Variants in HOMER1 observed in about 807,000 individuals in gnomAD.
HOMER1 encodes the protein homer protein homolog 1.
In HOMER1, 3 loss-of-function variants were observed where a neutral mutation model predicts 48.9. The ratio of observed to expected loss-of-function variants is 0.06; its 90% CI spans 0.03 to 0.16. The LOEUF (loss-of-function observed/expected upper bound fraction) is 0.16, where lower values mean the gene tolerates loss of function less well. Among genes scored for constraint, HOMER1 ranks in the 10% least tolerant of loss-of-function variants. HOMER1 has a pLI of 1.00. For missense variants in HOMER1, 247 were observed against 411.4 expected, an observed-to-expected ratio of 0.60 and a Z score of 3.46; for synonymous variants, 134 against 146.4, an observed-to-expected ratio of 0.92 and a Z score of 0.61.
chr5:79,432,191 A>C (rs1750444460), intron 5 of HOMER1, among the ~76,000 whole-genome samples: 1 of 152,324 alleles, frequency 6.6e-6, no homozygotes, highest in East Asian at 1.9e-4. Flanking sequence ...CAAAGGAAAA[A>C]AACATTCTTC....
rs1234652087 is a variant in HOMER1 at position 79,434,799 on chromosome 5, C to T, written c.527+4211G>A. On this transcript the variant is annotated intron_variant, in intron 5 of 8. Transcript: ENST00000334082. ...ACTAAGGAGTATTGAGCAGCTCATACATTTAAAATTTAGTTCAGCTGTATA... is the reference window on the plus strand; with the variant it reads ...ACTAAGGAGTATTGAGCAGCTCATATATTTAAAATTTAGTTCAGCTGTATA... 2.0e-5 allele frequency among the ~76,000 whole-genome samples: 3 copies of T among 152,048 alleles called. No individual in the cohort carries two copies. The East Asian group carries it at 5.8e-4, about 29-fold the overall frequency.
chr5:79,445,915 A>AAAAT (rs1465429681), intron 4 of HOMER1, among the ~76,000 whole-genome samples: 4 of 152,250 alleles, frequency 2.6e-5, no homozygotes, highest in African/African-American at 4.8e-5. Context: ...CTCTAGCTCA[A>AAAAT]AAATAAATAA....
At chr5:79,480,099 A>C (rs1751905491) in intron 1 of HOMER1, among the ~76,000 whole-genome samples, 1 of 152,186 alleles carries the variant, frequency 6.6e-6, no homozygotes, top group Non-Finnish European at 1.5e-5. Context: ...TGTCATTTAG[A>C]AATAACACTG....
chr5:79,469,209 T>C (rs142060633), intron 1 of HOMER1, among the ~76,000 whole-genome samples: 7 of 152,272 alleles, frequency 4.6e-5, no homozygotes, highest in Non-Finnish European at 7.4e-5. Context: ...AGTAAATGCA[T>C]GTTAGTCAAA....
chr5:79,378,969 T>C (rs116350044), intron 8 of HOMER1, among the ~76,000 whole-genome samples: 121 of 148,632 alleles, frequency 8.1e-4, no homozygotes, highest in African/African-American at 2.9e-3. Flanking sequence ...AGTCTATTTT[T>C]AGGCAAAGAG....
At chr5:79,499,144 T>C (rs1239614823) in intron 1 of HOMER1, among the ~76,000 whole-genome samples, 9 of 152,164 alleles carry the variant, frequency 5.9e-5, no homozygotes, top group Admixed American at 5.9e-4. Context: ...AAGTCTCCAC[T>C]TTTAAGCTCC....
In HOMER1 at chr5:79,484,084, G is replaced by A. The variant is rs527894193; in HGVS notation, c.6-27066C>T. ...AAAAAAGTGGGGTTTATAACATTAG[G>A]ATTAAATATATAACAATAACAAAGG... is the stretch of plus-strand genomic sequence containing the variant. On this transcript the variant is annotated intron_variant, in intron 1 of 8. Coordinates refer to ENST00000334082, the MANE Select transcript of HOMER1 (RefSeq NM_004272.5). Among the ~76,000 whole-genome samples the A allele has an allele frequency of 7.3e-5, 11 of 150,324 alleles. No individual in the cohort carries two copies. In the South Asian group the frequency reaches 1.5e-3, roughly 20 times the overall value.
chr5:79,404,004 G>T (rs2112223564), intron 5 of HOMER1, among the ~76,000 whole-genome samples: 1 of 152,118 alleles, frequency 6.6e-6, no homozygotes, highest in Non-Finnish European at 1.5e-5. Flanking sequence ...CATGTCTTCT[G>T]AAAAAAGCAT....
chr5:79,452,393 C>T (rs545410617), intron 2 of HOMER1, among the ~76,000 whole-genome samples: 1 of 152,086 alleles, frequency 6.6e-6, no homozygotes, highest in African/African-American at 2.4e-5. Flanking sequence ...TCTGCTAATA[C>T]CATAAAAGTG....
At chr5:79,394,296 G>A (rs1749323742) in intron 8 of HOMER1, among the ~76,000 whole-genome samples, 1 of 152,168 alleles carries the variant, frequency 6.6e-6, no homozygotes, top group African/African-American at 2.4e-5. Flanking sequence ...TATGAATGGA[G>A]TTCAAGGGTG....
intron 5 of HOMER1, among the ~76,000 whole-genome samples, chr5:79,432,396 G>T (rs755509392): frequency 6.6e-6 from 1 of 152,170 alleles, no homozygotes; most frequent in Non-Finnish European, 1.5e-5. Context: ...TAGTCTTCTT[G>T]AAAAGAGAAA....
At chr5:79,478,723 G>A (rs915241340) in intron 1 of HOMER1, among the ~76,000 whole-genome samples, 3 of 152,176 alleles carry the variant, frequency 2.0e-5, no homozygotes, top group Non-Finnish European at 2.9e-5. Flanking sequence ...AAGCTGAGGC[G>A]GGCGGATCAC....
chr5:79,432,357 T>C (rs1561361506), intron 5 of HOMER1, among the ~76,000 whole-genome samples: 1 of 152,298 alleles, frequency 6.6e-6, no homozygotes, highest in East Asian at 1.9e-4. Context: ...ATCTGTTCCA[T>C]GGCAAATGAC....
chr5:79,393,377 T>C (rs981820705), intron 8 of HOMER1, among the ~76,000 whole-genome samples: 11 of 152,096 alleles, frequency 7.2e-5, no homozygotes, highest in Non-Finnish European at 1.2e-4. Context: ...AAACTAAAAA[T>C]AGAAGCCAGC....
At chr5:79,464,639 G>A (rs1273503906) in intron 1 of HOMER1, among the ~76,000 whole-genome samples, 1 of 152,094 alleles carries the variant, frequency 6.6e-6, no homozygotes, top group Non-Finnish European at 1.5e-5. Flanking sequence ...CAGGGAACTG[G>A]TTTAAATCTC....
chr5:79,439,279 A>C, intron 4 of HOMER1, 130 bp from the exon 5 acceptor site: 2 of 784,888 alleles, frequency 2.5e-6, no homozygotes, highest in Non-Finnish European at 1.9e-6. Flanking sequence ...ATTTGAGTCA[A>C]AGACTTAAAA....
At chr5:79,469,184 G>GAT (rs2112322100) in intron 1 of HOMER1, among the ~76,000 whole-genome samples, 1 of 152,254 alleles carries the variant, frequency 6.6e-6, no homozygotes, top group African/African-American at 2.4e-5. Context: ...AGCTGGTGGA[G>GAT]GTAATGGAGG....
At chr5:79,403,941 T>C (rs1210818470) in intron 5 of HOMER1, among the ~76,000 whole-genome samples, 1 of 152,214 alleles carries the variant, frequency 6.6e-6, no homozygotes, top group East Asian at 1.9e-4. Context: ...ATTTCTATCC[T>C]GAAAAGGAAA....
At chr5:79,499,136 G>A (rs1752504766) in intron 1 of HOMER1, among the ~76,000 whole-genome samples, 1 of 152,008 alleles carries the variant, frequency 6.6e-6, no homozygotes, top group African/African-American at 2.4e-5. Flanking sequence ...CCCCAGCCAA[G>A]TCTCCACTTT....
Sources: allele counts gnomAD v4.1 joint callset (sites outside exome capture counted in the v4.1 genomes callset), GRCh38; gene constraint gnomAD v4.1.1; transcripts MANE v1.5; gene names NCBI Gene and HGNC (gene_info 2026-07-23, HGNC 2026-07-21).